Variants in MEIS2 observed in about 807,000 individuals in gnomAD.
MEIS2 encodes the protein Meis homeobox 2, also known as homeobox protein Meis2.
Under a neutral mutation model 58.6 loss-of-function variants are expected in MEIS2, and 9 were observed. The ratio of observed to expected loss-of-function variants is 0.15; its 90% confidence interval spans 0.09 to 0.27. The LOEUF (loss-of-function observed/expected upper bound fraction) is 0.27. Among genes scored for constraint, MEIS2 ranks in the 10% least tolerant of loss-of-function variants. The pLI, the probability that MEIS2 is intolerant of heterozygous loss-of-function variation, is 1.00. For missense variants in MEIS2, 427 were observed against 635.0 expected, an observed-to-expected ratio of 0.67 and a Z score of 3.52; for synonymous variants, 221 against 228.4, an observed-to-expected ratio of 0.97 and a Z score of 0.29.
rs766665519 is a variant in MEIS2 at position 37,096,409 on chromosome 15, T to C, written c.267A>G (p.Leu89=). 1.9e-6 allele frequency: 3 copies of C among 1,613,536 alleles called. No individual in the cohort carries two copies. In the East Asian group the frequency reaches 6.7e-5, roughly 36 times the overall value. The stretch of plus-strand genomic sequence containing the variant: ...GCTCGCACTTCTCAAAGACCAGAGC[T>C]AACAGAGGAAACAACGGGTGCCTAA... ...AIYGHPLFPL[L]ALVFEKCELA... The change falls in exon 3 of 12, where the codon TTA becomes TTG. Residue 89 remains leucine, a synonymous_variant. Transcript: ENST00000561208.
chr15:37,058,088 C>T (rs575205823), intron 7 of MEIS2, among the ~76,000 whole-genome samples: 12 of 152,160 alleles, frequency 7.9e-5, no homozygotes, highest in Non-Finnish European at 1.2e-4. Context: ...TTTGTTCCTA[C>T]GAAGATCATC....
At chr15:36,944,661 G>A (rs2058496853) in intron 9 of MEIS2, among the ~76,000 whole-genome samples, 2 of 152,084 alleles carry the variant, frequency 1.3e-5, no homozygotes, top group Non-Finnish European at 2.9e-5. Context: ...TGCTGACAAT[G>A]AATCTAGCAC....
chr15:37,098,339 T>G (rs1214917746), intron 1 of MEIS2, 140 bp from the exon 2 acceptor site: 100 of 1,088,650 alleles, frequency 9.2e-5, no homozygotes, highest in Admixed American at 5.5e-4. Context: ...GGGAGGGAGG[T>G]AAGAGAGAAG....
chr15:36,920,526 T>C (rs2057464492), intron 9 of MEIS2, among the ~76,000 whole-genome samples: 1 of 152,226 alleles, frequency 6.6e-6, no homozygotes, highest in Non-Finnish European at 1.5e-5. Flanking sequence ...GGGAGAATGA[T>C]GCAGAACCTG....
In MEIS2 at chr15:37,095,881, AGCAGTCCAAGAG is replaced by A; in HGVS notation, c.388-279_388-268del. ...TCTCAGGGCCTCGAGTTCCATATCC[AGCAGTCCAAGAG>A]GCTGTGGCTCTCCACTGCTGCCTGG... On this transcript the variant is annotated intron_variant, in intron 3 of 11. Coordinates refer to ENST00000561208, the MANE Select transcript of MEIS2 (RefSeq NM_170675.5). 3 of 534,722 alleles carry A rather than the reference AGCAGTCCAAGAG, an allele frequency of 5.6e-6. No homozygotes were observed. In the Admixed American group the frequency reaches 9.5e-5, roughly 17 times the overall value. 33.1% of individuals were successfully genotyped at this position (534,722 alleles called of 1,614,324 possible).
At chr15:37,044,459 G>C (rs1202796729) in intron 7 of MEIS2, among the ~76,000 whole-genome samples, 1 of 152,094 alleles carries the variant, frequency 6.6e-6, no homozygotes, top group Non-Finnish European at 1.5e-5. Flanking sequence ...ATTATTTCCT[G>C]TGGATCTAAA....
intron 8 of MEIS2, among the ~76,000 whole-genome samples, chr15:37,020,686 T>C (rs1220775141): frequency 6.6e-6 from 1 of 151,872 alleles, no homozygotes; most frequent in Non-Finnish European, 1.5e-5. Context: ...TTTTTTTTTT[T>C]TTTAATCTCA....
chr15:37,021,271 C>T (rs750771701), intron 8 of MEIS2, among the ~76,000 whole-genome samples: 9 of 152,188 alleles, frequency 5.9e-5, no homozygotes, highest in Non-Finnish European at 1.0e-4. Flanking sequence ...TTGCCTGCTC[C>T]CAGCCCCTAC....
chr15:37,032,801 T>C (rs1393132883), intron 8 of MEIS2, among the ~76,000 whole-genome samples: 1 of 152,160 alleles, frequency 6.6e-6, no homozygotes, highest in African/African-American at 2.4e-5. Context: ...AATAGGGTAG[T>C]TCGAAACAAA....
At chr15:37,035,519 G>T (rs2062114683) in intron 8 of MEIS2, among the ~76,000 whole-genome samples, 2 of 152,114 alleles carry the variant, frequency 1.3e-5, no homozygotes, top group African/African-American at 2.4e-5. Context: ...TCAGTCCAGA[G>T]ACCGCATGTT....
At chr15:36,934,787 C>G (rs2058103002) in intron 9 of MEIS2, among the ~76,000 whole-genome samples, 1 of 152,114 alleles carries the variant, frequency 6.6e-6, no homozygotes, top group East Asian at 1.9e-4. Context: ...CAATTTTATG[C>G]TACCAGTTAT....
chr15:36,894,615 T>C (rs927496447), intron 11 of MEIS2: 38 of 879,650 alleles, frequency 4.3e-5, no homozygotes, highest in East Asian at 1.6e-4. Context: ...TGGAAAGGCA[T>C]GCAGTTATGG....
chr15:37,036,390 CTT>C (rs80180193), intron 8 of MEIS2: 2,151 of 118,070 alleles, frequency 0.018, 39 homozygotes, highest in African/African-American at 0.06. Flanking sequence ...TGGCAAGGTG[CTT>C]TTTTTTTTTT....
At chr15:37,056,123 A>G (rs1052668047) in intron 7 of MEIS2, among the ~76,000 whole-genome samples, 1 of 152,230 alleles carries the variant, frequency 6.6e-6, no homozygotes, top group Admixed American at 6.5e-5. Flanking sequence ...ATGAGCATGA[A>G]AATTAGCAGA....
At chr15:36,927,050 AT>A (rs1250710105) in intron 9 of MEIS2, among the ~76,000 whole-genome samples, 12 of 152,198 alleles carry the variant, frequency 7.9e-5, no homozygotes, top group Admixed American at 6.5e-5. Flanking sequence ...ACTGTCCAGA[AT>A]TTGGGCATCT....
chr15:36,900,707 T>C (rs975653279), intron 9 of MEIS2, among the ~76,000 whole-genome samples: 2 of 152,216 alleles, frequency 1.3e-5, no homozygotes, highest in African/African-American at 4.8e-5. Context: ...CCTCAGAAAG[T>C]CTAAACTTGG....
chr15:37,048,866 G>A (rs751817307), intron 7 of MEIS2, among the ~76,000 whole-genome samples: 5 of 152,092 alleles, frequency 3.3e-5, no homozygotes, highest in Non-Finnish European at 7.4e-5. Flanking sequence ...GGTTTTAGGT[G>A]AATACTTTTT....
At chr15:36,978,304 TAGAGCAATTTAC>T (rs2059823639) in intron 8 of MEIS2, among the ~76,000 whole-genome samples, 1 of 152,224 alleles carries the variant, frequency 6.6e-6, no homozygotes, top group African/African-American at 2.4e-5. Context: ...TGCTAATCCC[TAGAGCAATTTAC>T]AGATGCAGAA....
intron 8 of MEIS2, among the ~76,000 whole-genome samples, chr15:37,018,072 T>C (rs2061409734): frequency 6.6e-6 from 1 of 152,172 alleles, no homozygotes; most frequent in South Asian, 2.1e-4. Context: ...ATTATCCCTA[T>C]TTTACAAAGA....
Sources: allele counts gnomAD v4.1 joint callset (sites outside exome capture counted in the v4.1 genomes callset), GRCh38; gene constraint gnomAD v4.1.1; transcripts MANE v1.5; gene names NCBI Gene and HGNC (gene_info 2026-07-23, HGNC 2026-07-21).